Variants in GNB1L observed in about 807,000 individuals in gnomAD.
GNB1L encodes the protein guanine nucleotide-binding protein subunit beta-like protein 1.
Under a neutral mutation model 29.1 loss-of-function variants are expected in GNB1L, and 20 were observed. That is an observed-to-expected ratio of 0.69 (90% CI 0.48 to 1.00). The LOEUF (loss-of-function observed/expected upper bound fraction) is 1.00, where lower values mean the gene tolerates loss of function less well. Among genes scored for constraint, GNB1L ranks in the 50% least tolerant of loss-of-function variants. The pLI is 0.00. For missense variants in GNB1L, 421 were observed against 464.9 expected, an observed-to-expected ratio of 0.91 and a Z score of 0.87; for synonymous variants, 193 against 206.5, an observed-to-expected ratio of 0.93 and a Z score of 0.56.
intron 2 of GNB1L, among the ~76,000 whole-genome samples, chr22:19,853,382 G>A (rs1038037081): frequency 6.6e-6 from 1 of 152,108 alleles, no homozygotes; most frequent in African/African-American, 2.4e-5. Context: ...CCAGTAGCCA[G>A]TTCTATTCCA....
chr22:19,812,504 T>C (rs998886223), intron 4 of GNB1L, 57 bp from the exon 5 acceptor site: 6 of 1,501,780 alleles, frequency 4.0e-6, no homozygotes, highest in Middle Eastern at 1.8e-4. Context: ...TCAGCTCCCA[T>C]GGCCCCTGCA....
intron 2 of GNB1L, chr22:19,846,325 G>C: frequency 5.8e-6 from 4 of 687,160 alleles, no homozygotes; most frequent in Non-Finnish European, 7.2e-6. Flanking sequence ...TGGGAATACA[G>C]GATAATGCCT....
rs1365412428 is a variant in GNB1L, at chr22:19,787,214, C to A, written c.*1495G>T. 2 of 152,676 alleles carry A rather than the reference C, an allele frequency of 1.3e-5. No individual in the cohort carries two copies. Among genetic ancestry groups the A allele is most frequent in the Non-Finnish European group, 2.9e-5 (2 of 68,426 alleles). 9.5% of individuals were successfully genotyped at this position (152,676 alleles called of 1,614,324 possible). ...ACAGGTCTCACTGACAAATCCAACA[C>A]CCCCATCCCCAGGCCTTGGAAGCCC... On this transcript the variant is annotated 3_prime_UTR_variant, in exon 8 of 8. Transcript: ENST00000329517.
chr22:19,847,617 G>A (rs184596453), intron 2 of GNB1L: 18 of 969,942 alleles, frequency 1.9e-5, no homozygotes, highest in Middle Eastern at 5.3e-4. Context: ...TAGTGGTACC[G>A]AACCATGACC....
intron 2 of GNB1L, among the ~76,000 whole-genome samples, chr22:19,853,420 T>C (rs1275632181): frequency 1.3e-5 from 2 of 152,054 alleles, no homozygotes; most frequent in African/African-American, 4.8e-5. Flanking sequence ...GTAGGGCTCT[T>C]ACACTCTGCA....
At chr22:19,792,963 A>G in intron 7 of GNB1L, 1 of 1,434,920 alleles carries the variant, frequency 7.0e-7, no homozygotes, top group Non-Finnish European at 9.7e-7. Flanking sequence ...AGCTATCAGG[A>G]CCAATTACAA....
intron 4 of GNB1L, among the ~76,000 whole-genome samples, chr22:19,818,424 C>G (rs1937551962): frequency 6.6e-6 from 1 of 152,214 alleles, no homozygotes; most frequent in Non-Finnish European, 1.5e-5. Flanking sequence ...CTCTGAGGCC[C>G]CCTGCACCAG....
chr22:19,845,381 CT>C (rs1290338578), intron 2 of GNB1L, among the ~76,000 whole-genome samples: 2 of 152,232 alleles, frequency 1.3e-5, no homozygotes, highest in African/African-American at 4.8e-5. Flanking sequence ...AGAGCCCTGG[CT>C]CCACAACCCA....
chr22:19,852,219 T>A (rs965973278), intron 2 of GNB1L: 9 of 1,613,086 alleles, frequency 5.6e-6, no homozygotes, highest in Non-Finnish European at 6.8e-6. Flanking sequence ...GCTGCCCAGA[T>A]GGGAATGCGA....
chr22:19,830,995 G>A (rs896800744), intron 2 of GNB1L, among the ~76,000 whole-genome samples: 4 of 152,164 alleles, frequency 2.6e-5, no homozygotes, highest in African/African-American at 9.7e-5. Context: ...AACTCCAAGT[G>A]GATCTGGGAT....
At chr22:19,824,946 G>A (rs1444012229) in intron 2 of GNB1L, among the ~76,000 whole-genome samples, 1 of 152,228 alleles carries the variant, frequency 6.6e-6, no homozygotes, top group East Asian at 1.9e-4. Context: ...CCTGCCCTCG[G>A]GCTGCACAGC....
At chr22:19,803,846 G>A (rs1244149698) in intron 6 of GNB1L, among the ~76,000 whole-genome samples, 2 of 152,252 alleles carry the variant, frequency 1.3e-5, no homozygotes, top group Non-Finnish European at 2.9e-5. Context: ...GGTGGCACCT[G>A]TTCCCAGCCT....
intron 7 of GNB1L, among the ~76,000 whole-genome samples, chr22:19,793,365 G>C (rs1217483562): frequency 6.6e-6 from 1 of 152,102 alleles, no homozygotes; most frequent in Non-Finnish European, 1.5e-5. Context: ...CAGTGAACTG[G>C]AAGACAGATC....
chr22:19,849,951 C>T, intron 2 of GNB1L: 1 of 985,512 alleles, frequency 1.0e-6, no homozygotes, highest in Non-Finnish European at 1.2e-6. Context: ...TTGTGTGGAA[C>T]AGGTCTTTCT....
rs1258672321 is a variant in GNB1L, at chr22:19,812,270, C to A, written c.417+15G>T. The A allele has an allele frequency of 1.9e-6, 3 of 1,609,446 alleles. No individual in the cohort carries two copies. The highest frequency in any genetic ancestry group is 2.5e-6 in the Non-Finnish European group (3 of 1,177,930). On this transcript the variant is annotated intron_variant, in intron 5 of 7. Transcript: ENST00000329517. Reference sequence around the variant, plus strand: ...TGTTTGGAGAACATGGGGCCTCAGGCAGGCTGGCTCTCACCTCGTCGCTGC... The same window carrying A: ...TGTTTGGAGAACATGGGGCCTCAGGAAGGCTGGCTCTCACCTCGTCGCTGC...
At chr22:19,850,774 C>T in intron 2 of GNB1L, 3 of 1,255,782 alleles carry the variant, frequency 2.4e-6, no homozygotes, top group Non-Finnish European at 3.0e-6. Flanking sequence ...CGTGGCAGAC[C>T]CAGTTCAGTC....
At position 19,816,718 on chromosome 22, in the gene GNB1L, C is replaced by A. The variant is rs1937527185; in HGVS notation, c.254+3880G>T. Reference sequence around the variant, plus strand: ...ACACAAACCTCACACACACAACACACAGGTTCTTTCTCACCTTCCCCCTTC... The same window carrying A: ...ACACAAACCTCACACACACAACACAAAGGTTCTTTCTCACCTTCCCCCTTC... On this transcript the variant is annotated intron_variant, in intron 4 of 7. Coordinates refer to ENST00000329517, the MANE Select transcript of GNB1L (RefSeq NM_053004.3). This position sits in a 1 kb window ranked among gnomAD's most constrained non-coding sequence, Gnocchi z 4.4. Among the ~76,000 whole-genome samples, 1 of 152,298 alleles carries A rather than the reference C, an allele frequency of 6.6e-6. No homozygotes were observed. Among genetic ancestry groups the A allele is most frequent in the African/African-American group, 2.4e-5 (1 of 41,566 alleles).
At chr22:19,823,266 C>A (rs1454884037) in intron 2 of GNB1L, among the ~76,000 whole-genome samples, 5 of 152,214 alleles carry the variant, frequency 3.3e-5, no homozygotes, top group Non-Finnish European at 7.3e-5. Context: ...ACTGATCATG[C>A]CCAAACTTAA....
intron 2 of GNB1L, among the ~76,000 whole-genome samples, chr22:19,839,251 C>A (rs921992235): frequency 6.6e-6 from 1 of 151,904 alleles, no homozygotes; most frequent in Non-Finnish European, 1.5e-5. Flanking sequence ...TCACTGTAAG[C>A]GCACACAATA....
Sources: allele counts gnomAD v4.1 joint callset (sites outside exome capture counted in the v4.1 genomes callset), GRCh38; gene constraint gnomAD v4.1.1; non-coding constraint Gnocchi (gnomAD v3.1); transcripts MANE v1.5; gene names NCBI Gene and HGNC (gene_info 2026-07-23, HGNC 2026-07-21).